GCDH: variants seen among roughly 807,000 people sequenced by gnomAD.
The protein encoded by GCDH is glutaryl-CoA dehydrogenase, mitochondrial.
A neutral mutation model predicts 52.8 loss-of-function variants in GCDH; 31 were observed. That is an observed-to-expected ratio of 0.59 (90% CI 0.44 to 0.79). The LOEUF (loss-of-function observed/expected upper bound fraction) is 0.79. Ranked by LOEUF, GCDH falls within the 30% of genes least tolerant of loss-of-function variation. The pLI is 0.00. For synonymous variants in GCDH, 242 were observed against 250.0 expected (o/e 0.97, Z 0.30); for missense variants, 509 against 595.0 (o/e 0.86, Z 1.50).
rs144013229 is a variant in GCDH at position 12,896,017 on chromosome 19, C to T, written c.531C>T (p.Phe177=). 9.6e-4 allele frequency: 1,543 copies of T among 1,613,986 alleles called. 1 individual carries two copies. Among genetic ancestry groups the T allele is most frequent in the Non-Finnish European group, 1.3e-3 (1,489 of 1,179,936 alleles). ...CCAAGGGGGAGCTCCTGGGCTGCTTCGGGCTCACAGAGCCCAACAGCGGAA... is the reference window on the plus strand; with the variant it reads ...CCAAGGGGGAGCTCCTGGGCTGCTTTGGGCTCACAGAGCCCAACAGCGGAA... ...QLAKGELLGC[F]GLTEPNSGSD... Residue 177 remains phenylalanine (F), a synonymous_variant, in exon 7 of 12, where the codon TTC becomes TTT. Transcript: ENST00000222214. The surrounding 1 kb of genome is among the most constrained non-coding windows in gnomAD (Gnocchi z 5.5).
chr19:12,896,512 T>C lies in GCDH; in HGVS notation c.852+91T>C. The C allele has an allele frequency of 1.0e-6, 1 of 978,122 alleles. No homozygotes were observed. The highest frequency in any genetic ancestry group is 1.6e-6 in the Non-Finnish European group (1 of 633,908). 60.6% of individuals were successfully genotyped at this position (978,122 alleles called of 1,614,324 possible). ...TCCGTGCTGGGGACGCGGCTCCCTG[T>C]GCCTGTGGAGCCCACACAGTGGTGA... On this transcript the variant is annotated intron_variant, in intron 8 of 11. Coordinates refer to ENST00000222214, the MANE Select transcript of GCDH (RefSeq NM_000159.4). The surrounding 1 kb of genome is among the most constrained non-coding windows in gnomAD (Gnocchi z 5.5).
intron 5 of GCDH, chr19:12,892,489 A>G: frequency 2.3e-6 from 1 of 438,328 alleles, no homozygotes; most frequent in South Asian, 2.2e-5. Flanking sequence ...ACAGGGTTTC[A>G]CTGTGTTGGC....
chr19:12,897,598 T>C, intron 10 of GCDH, 105 bp from the exon 11 acceptor site: 2 of 1,481,358 alleles, frequency 1.4e-6, no homozygotes, highest in Admixed American at 3.3e-5. Flanking sequence ...GGTCCCTCAT[T>C]GGGAGCTTGG....
chr19:12,896,778 G>A lies in GCDH; in HGVS notation c.853-132G>A. On this transcript the variant is annotated intron_variant, in intron 8 of 11. Coordinates refer to ENST00000222214, the MANE Select transcript of GCDH (RefSeq NM_000159.4). The surrounding 1 kb of genome is among the most constrained non-coding windows in gnomAD (Gnocchi z 5.5). Reference sequence around the variant, plus strand: ...GAGCTTCAGTGCCAGGGCCATCTGTGATGTGAACCACAACCTGAGTCCCCC... The same window carrying A: ...GAGCTTCAGTGCCAGGGCCATCTGTAATGTGAACCACAACCTGAGTCCCCC... 2 of 717,014 alleles carry A rather than the reference G, an allele frequency of 2.8e-6. No individual in the cohort carries two copies. Among genetic ancestry groups the A allele is most frequent in the Non-Finnish European group, 5.0e-6 (2 of 398,168 alleles). The allele number at this position is 717,014 out of a possible 1,614,324, so 44.4% of individuals were successfully genotyped here.
chr19:12,892,290 CT>C, intron 5 of GCDH, 112 bp downstream of exon 5: 1 of 988,216 alleles, frequency 1.0e-6, no homozygotes, highest in Non-Finnish European at 1.6e-6. Context: ...TTTTCCTTTT[CT>C]TTCCTTTCTT....
rs867597239 is a variant in GCDH at position 12,896,528 on chromosome 19, A to G, written c.852+107A>G. On this transcript the variant is annotated intron_variant, in intron 8 of 11. Transcript: ENST00000222214. This position sits in a 1 kb window ranked among gnomAD's most constrained non-coding sequence, Gnocchi z 5.5. ...GGCTCCCTGTGCCTGTGGAGCCCAC[A>G]CAGTGGTGATTCTTACTCAGCCGGA... is the stretch of plus-strand genomic sequence containing the variant. 7.8e-5 allele frequency: 69 copies of G among 879,518 alleles called. 1 individual carries two copies. The highest frequency in any genetic ancestry group is 6.5e-4 in the Middle Eastern group (2 of 3,072). The allele number at this position is 879,518 out of a possible 1,614,324, so 54.5% of individuals were successfully genotyped here. A position where few individuals can be genotyped will look rare whatever the true frequency, so the allele number is the denominator to read the frequency against.
At chr19:12,893,888 C>T (rs1033776978) in intron 6 of GCDH, 2 of 612,430 alleles carry the variant, frequency 3.3e-6, no homozygotes, top group East Asian at 2.8e-5. Context: ...CCCAGTCCAG[C>T]CCAAAGTTTA....
rs1052457436 is a variant in GCDH at position 12,892,275 on chromosome 19, T to C, written c.334+97T>C. ...TCCCTTTCTTCCTTCCTTCTCTTTC[T>C]TTTCTTTTCCTTTTCTTTCCTTTCT... On this transcript the variant is annotated intron_variant, in intron 5 of 11. Transcript: ENST00000222214. 4 of 1,098,834 alleles carry C rather than the reference T, an allele frequency of 3.6e-6. No homozygotes were observed. The African/African-American group carries it at 6.2e-5, about 17-fold the overall frequency. 68.1% of individuals were successfully genotyped at this position (1,098,834 alleles called of 1,614,324 possible).
intron 6 of GCDH, 48 bp from the exon 7 acceptor site, chr19:12,895,944 G>C (rs1455894425): frequency 6.2e-7 from 1 of 1,611,468 alleles, no homozygotes; most frequent in South Asian, 1.1e-5. Flanking sequence ...TGAGTAAGGG[G>C]ATGTATCAGG....
intron 5 of GCDH, among the ~76,000 whole-genome samples, chr19:12,892,598 T>C (rs1970586452): frequency 6.6e-6 from 1 of 150,972 alleles, no homozygotes; most frequent in South Asian, 2.1e-4. Context: ...AGCCTTCTTT[T>C]TGAGATGGAG....
chr19:12,896,430 C>T lies in GCDH; in HGVS notation c.852+9C>T, dbSNP rs771742883. On this transcript the variant is annotated intron_variant, in intron 8 of 11. Coordinates refer to ENST00000222214, the MANE Select transcript of GCDH (RefSeq NM_000159.4). This position sits in a 1 kb window ranked among gnomAD's most constrained non-coding sequence, Gnocchi z 5.5. ...GTGCATCCAGCCTGGGGGTAAGTGG[C>T]AGCCACTTTGGGAATGGGTGTTGGG... 5.0e-6 allele frequency: 8 copies of T among 1,607,212 alleles called. No individual in the cohort carries two copies. In the South Asian group the frequency reaches 7.7e-5, roughly 16 times the overall value.
chr19:12,891,921 C>T lies in GCDH; in HGVS notation c.218C>T (p.Thr73Ile), dbSNP rs766884691. The T allele has an allele frequency of 1.8e-5, 29 of 1,614,080 alleles. No homozygotes were observed. The highest frequency in any genetic ancestry group is 1.3e-5 in the African/African-American group (1 of 74,930). The change falls in exon 4 of 12, where the codon ACC becomes ATC. Residue 73 changes from threonine to isoleucine, a missense_variant. Transcript: ENST00000222214. ...ATCCTCATCAGGGACACCTTCCGCACCTACTGCCAGGAGAGACTCATGCCT... is the reference window on the plus strand; with the variant it reads ...ATCCTCATCAGGGACACCTTCCGCATCTACTGCCAGGAGAGACTCATGCCT... ...DEILIRDTFR[T>I]YCQERLMPRI...
Position 12,899,636 on chromosome 19 carries a change from G to A in GCDH, c.*95G>A, listed in dbSNP as rs1970788141. The stretch of plus-strand genomic sequence containing the variant: ...GCTGTGCTCTGAGCTTAGAAAGGGA[G>A]GTGGCGGATGGAGTGGGAAGTGAGA... On this transcript the variant is annotated 3_prime_UTR_variant, in exon 12 of 12. Coordinates refer to ENST00000222214, the MANE Select transcript of GCDH (RefSeq NM_000159.4). 13 of 1,612,546 alleles carry A rather than the reference G, an allele frequency of 8.1e-6. No individual in the cohort carries two copies. Among genetic ancestry groups the A allele is most frequent in the South Asian group, 7.7e-5 (7 of 90,708 alleles).
chr19:12,897,956 C>G, intron 11 of GCDH, 93 bp downstream of exon 11: 1 of 1,050,786 alleles, frequency 9.5e-7, no homozygotes, highest in South Asian at 1.3e-5. Flanking sequence ...AGTCCAACTC[C>G]ACCTATCACT....
At position 12,891,468 on chromosome 19, in the gene GCDH, T is replaced by C. The variant is rs781576170; in HGVS notation, c.92-19T>C. 2 of 1,614,190 alleles carry C rather than the reference T, an allele frequency of 1.2e-6. No individual in the cohort carries two copies. Among genetic ancestry groups the C allele is most frequent in the African/African-American group, 1.3e-5 (1 of 75,046 alleles). On this transcript the variant is annotated intron_variant, in intron 2 of 11. Transcript: ENST00000222214. ...GTTTAGGGACTTTCCGGGGTGACTT[T>C]CCCGTTCTGTGCTTGCAGAGAAAGG...
intron 6 of GCDH, chr19:12,893,945 A>T: frequency 1.7e-6 from 1 of 584,880 alleles, no homozygotes; most frequent in South Asian, 2.0e-5. Context: ...TCACACCTAT[A>T]ATCCCAGCAC....
Position 12,897,236 on chromosome 19 carries a change from C to T in GCDH, c.957-67C>T, listed in dbSNP as rs1970703278. 3.1e-6 allele frequency: 5 copies of T among 1,601,078 alleles called. No homozygotes were observed. In the South Asian group the frequency reaches 5.6e-5, roughly 18 times the overall value. On this transcript the variant is annotated intron_variant, in intron 9 of 11. Transcript: ENST00000222214. ...TGGGAAGGCGTCCTGGAGCAGGGGGCCCCAGGACAGGGACGGGGTGGGAGA... is the reference window on the plus strand; with the variant it reads ...TGGGAAGGCGTCCTGGAGCAGGGGGTCCCAGGACAGGGACGGGGTGGGAGA...
At chr19:12,892,010 C>T (rs537973299) in intron 4 of GCDH, 36 bp downstream of exon 4, 11 of 1,613,956 alleles carry the variant, frequency 6.8e-6, no homozygotes, top group Non-Finnish European at 9.3e-6. Flanking sequence ...GACTGCTCCT[C>T]CGCCTGGAGC....
intron 9 of GCDH, 53 bp downstream of exon 9, chr19:12,897,066 C>T: frequency 7.0e-7 from 1 of 1,436,592 alleles, no homozygotes; most frequent in Non-Finnish European, 9.7e-7. Context: ...GCTTGGGTTT[C>T]ACTCTCTATA....
Sources: allele counts gnomAD v4.1 joint callset (sites outside exome capture counted in the v4.1 genomes callset), GRCh38; gene constraint gnomAD v4.1.1; non-coding constraint Gnocchi (gnomAD v3.1); transcripts MANE v1.5; gene names NCBI Gene and HGNC (gene_info 2026-07-23, HGNC 2026-07-21).